The following HDAC9 variants were observed in gnomAD, a reference collection of about 807,000 sequenced individuals.
HDAC9 encodes histone deacetylase 9.
A neutral mutation model predicts 139.4 loss-of-function variants in HDAC9; 41 were observed. The ratio of observed to expected loss-of-function variants is 0.29; its 90% CI spans 0.23 to 0.38. HDAC9 has a LOEUF of 0.38. Among genes scored for constraint, HDAC9 ranks in the 10% least tolerant of loss-of-function variants. The pLI is 1.00. For synonymous variants in HDAC9, 517 were observed against 476.2 expected, an observed-to-expected ratio of 1.09 and a Z score of -1.12; for missense variants, 1,147 against 1,297.0, an observed-to-expected ratio of 0.88 and a Z score of 1.78.
intron 1 of HDAC9, among the ~76,000 whole-genome samples, chr7:18,436,491 C>T (rs1400084276): frequency 6.6e-6 from 1 of 152,140 alleles, no homozygotes; most frequent in Non-Finnish European, 1.5e-5. Context: ...TTCTGATAGA[C>T]TGATCTTTAT....
intron 1 of HDAC9, among the ~76,000 whole-genome samples, chr7:18,308,388 A>G (rs1799072964): frequency 6.6e-6 from 1 of 152,350 alleles, no homozygotes; most frequent in East Asian, 1.9e-4. Context: ...AGGAAAAGGT[A>G]CACTCGAACT....
In HDAC9 at chr7:18,633,877, GT is replaced by G. The variant is rs202030094; in HGVS notation, c.797-749del. On this transcript the variant is annotated intron_variant, in intron 7 of 25. Transcript: ENST00000686413. Reference sequence around the variant, plus strand: ...AGTTTCTGCATAAGTTGAGGTACATGTGAATTTCATATCTGAAGAGGAAAGG... The same window carrying G: ...AGTTTCTGCATAAGTTGAGGTACATGGAATTTCATATCTGAAGAGGAAAGG... Among the ~76,000 whole-genome samples, 1,229 of 152,208 alleles carry G rather than the reference GT, an allele frequency of 8.1e-3. 20 individuals carry two copies. Among genetic ancestry groups the G allele is most frequent in the Non-Finnish European group, 0.012 (786 of 67,972 alleles).
At position 18,999,878 on chromosome 7, in the gene HDAC9, G is replaced by A; in HGVS notation, c.*3816G>A. On this transcript the variant is annotated 3_prime_UTR_variant, in exon 26 of 26. Coordinates refer to ENST00000686413, the MANE Select transcript of HDAC9 (RefSeq NM_178425.4). The stretch of plus-strand genomic sequence containing the variant: ...AGTCTTATGGCCCCAAAAGAAACAA[G>A]CCAAACTGTACTGTCTTAAAAGTGA... The A allele has an allele frequency of 6.8e-6, 1 of 146,038 alleles. No homozygotes were observed. The highest frequency in any genetic ancestry group is 2.5e-4 in the South Asian group (1 of 4,042). 9.0% of individuals were successfully genotyped at this position (146,038 alleles called of 1,614,324 possible). A position where few individuals can be genotyped will look rare whatever the true frequency, so the allele number is the denominator to read the frequency against.
intron 2 of HDAC9, among the ~76,000 whole-genome samples, chr7:18,249,031 C>T (rs968715863): frequency 1.3e-5 from 2 of 152,172 alleles, no homozygotes; most frequent in African/African-American, 2.4e-5. Context: ...AAACTACTTT[C>T]AGCTGGAATC....
intron 25 of HDAC9, among the ~76,000 whole-genome samples, chr7:18,991,525 T>C (rs11973076): frequency 0.37 from 56,844 of 151,844 alleles, 11,314 homozygotes; most frequent in African/African-American, 0.5. Flanking sequence ...TAGTCCCAGC[T>C]GCTCAGGAGG....
At chr7:18,807,374 A>G (rs938755282) in intron 17 of HDAC9, among the ~76,000 whole-genome samples, 3 of 152,056 alleles carry the variant, frequency 2.0e-5, no homozygotes, top group African/African-American at 4.8e-5. Flanking sequence ...CATTTCATTC[A>G]TCTTGTCTGA....
At chr7:18,568,026 G>GTGTATATATATATATA (rs1384273199) in intron 2 of HDAC9, among the ~76,000 whole-genome samples, 2,504 of 126,712 alleles carry the variant, frequency 0.02, 95 homozygotes, top group Admixed American at 0.022. Context: ...ATATGTATAT[G>GTGTATATATATATATA]TATATATATA....
intron 2 of HDAC9, among the ~76,000 whole-genome samples, chr7:18,180,268 CA>C (rs1789313319): frequency 2.6e-5 from 4 of 151,026 alleles, no homozygotes; most frequent in South Asian, 2.1e-4. Flanking sequence ...CACACACACA[CA>C]CACACCACAT....
chr7:18,949,093 C>T (rs1585385841), intron 23 of HDAC9: 4 of 325,722 alleles, frequency 1.2e-5, no homozygotes, highest in South Asian at 2.8e-5. Context: ...GGTTTTTTTT[C>T]TGTTTTTTGA....
At chr7:18,153,144 C>G (rs1366484317) in intron 1 of HDAC9, among the ~76,000 whole-genome samples, 1 of 152,048 alleles carries the variant, frequency 6.6e-6, no homozygotes, top group Non-Finnish European at 1.5e-5. Context: ...AACCAGTGGC[C>G]TAATCAATTG....
chr7:18,303,882 T>A (rs1798738726), intron 1 of HDAC9, among the ~76,000 whole-genome samples: 1 of 145,450 alleles, frequency 6.9e-6, no homozygotes, highest in Non-Finnish European at 1.5e-5. Context: ...TGTAGCAGTG[T>A]TCTAGAAATG....
At chr7:18,168,802 G>T (rs1363937539) in intron 2 of HDAC9, among the ~76,000 whole-genome samples, 2 of 149,704 alleles carry the variant, frequency 1.3e-5, no homozygotes, top group African/African-American at 2.5e-5. Flanking sequence ...CTAACTTGTT[G>T]TAGGGTTAGA....
intron 1 of HDAC9, among the ~76,000 whole-genome samples, chr7:18,451,021 C>T (rs540734384): frequency 1.8e-4 from 27 of 152,106 alleles, no homozygotes; most frequent in Non-Finnish European, 3.4e-4. Flanking sequence ...TTGTGCCCCT[C>T]CAAAATTTAT....
intron 2 of HDAC9, among the ~76,000 whole-genome samples, chr7:18,527,047 T>C (rs376649151): frequency 1.6e-4 from 24 of 152,268 alleles, no homozygotes; most frequent in African/African-American, 5.8e-4. Flanking sequence ...GAATAATGGA[T>C]AGAAAAGAGT....
chr7:18,638,896 G>A (rs994218224), intron 8 of HDAC9, among the ~76,000 whole-genome samples: 1 of 152,040 alleles, frequency 6.6e-6, no homozygotes, highest in South Asian at 2.1e-4. Context: ...CTCCAGTCAA[G>A]GATGTCTTTA....
intron 1 of HDAC9, among the ~76,000 whole-genome samples, chr7:18,313,478 A>T (rs1337487156): frequency 6.6e-6 from 1 of 152,180 alleles, no homozygotes; most frequent in Non-Finnish European, 1.5e-5. Flanking sequence ...AGATCCAAAT[A>T]CTTAGTTCAT....
intron 21 of HDAC9, among the ~76,000 whole-genome samples, chr7:18,852,681 A>C (rs1413759151): frequency 6.6e-6 from 1 of 152,122 alleles, no homozygotes; most frequent in East Asian, 1.9e-4. Context: ...AGCCTTAAGT[A>C]AAATTAATGG....
chr7:18,882,206 T>C (rs1799791910), intron 22 of HDAC9, among the ~76,000 whole-genome samples: 2 of 152,164 alleles, frequency 1.3e-5, no homozygotes, highest in South Asian at 2.1e-4. Flanking sequence ...TTTTTTTCTT[T>C]TTTGCCATTG....
intron 1 of HDAC9, among the ~76,000 whole-genome samples, chr7:18,437,720 G>T (rs1177866887): frequency 3.3e-5 from 5 of 151,490 alleles, no homozygotes; most frequent in Non-Finnish European, 5.9e-5. Context: ...CTGTAATGCA[G>T]GCAAAGATAA....
Sources: gnomAD v4.1 joint callset for allele counts (sites outside exome capture counted in the v4.1 genomes callset) on GRCh38, gnomAD v4.1.1 for gene constraint, MANE v1.5 for transcripts, NCBI Gene and HGNC (gene_info 2026-07-23, HGNC 2026-07-21) for gene names.